Variants in ESRP1 observed in about 807,000 individuals in gnomAD.
The protein encoded by ESRP1 is epithelial splicing regulatory protein 1, also known as RNA-binding motif protein 35A.
A neutral mutation model predicts 81.7 loss-of-function variants in ESRP1; 33 were observed. The observed-to-expected ratio is 0.40, with a 90% confidence interval of 0.31 to 0.54. The LOEUF (loss-of-function observed/expected upper bound fraction) is 0.54. ESRP1 is among the 20% of genes least tolerant of loss of function. The pLI, the probability that ESRP1 is intolerant of heterozygous loss-of-function variation, is 0.41. For synonymous variants in ESRP1, 320 were observed against 303.3 expected (o/e 1.06, Z -0.57); for missense variants, 672 against 833.1 (o/e 0.81, Z 2.38).
rs753964744 is a variant in ESRP1, at chr8:94,664,940, C to G, written c.769C>G (p.Leu257Val). 6.2e-7 allele frequency: 1 copy of G among 1,612,884 alleles called. No homozygotes were observed. The highest frequency in any genetic ancestry group is 1.3e-5 in the African/African-American group (1 of 74,538). ...GLNIAKGGAA[L>V]CLNAQGRRNG... ...TTATTCTCAAAGGGGAGGTGCAGCA[C>G]TTTGTCTGAATGCTCAGGGTCGAAG... Residue 257 changes from leucine (L) to valine (V), a missense_variant, in exon 8 of 16, where the codon CTT becomes GTT. Transcript: ENST00000433389.
chr8:94,690,446 GATGAAAAATTCTTACTTTC>G (rs1304596254), intron 13 of ESRP1, among the ~76,000 whole-genome samples: 1 of 151,820 alleles, frequency 6.6e-6, no homozygotes, highest in East Asian at 1.9e-4. Flanking sequence ...AATTTAGGTT[GATGAAAAATTCTTACTTTC>G]ATGTCCTGTC....
Position 94,678,280 on chromosome 8 carries a change from G to A in ESRP1, c.1729G>A (p.Val577Met), listed in dbSNP as rs1434091556. The A allele has an allele frequency of 6.2e-7, 1 of 1,613,982 alleles. No individual in the cohort carries two copies. Among genetic ancestry groups the A allele is most frequent in the Non-Finnish European group, 8.5e-7 (1 of 1,179,894 alleles). Residue 577 changes from valine to methionine, a missense_variant, in exon 13 of 16, where the codon GTG becomes ATG. By Grantham distance (21) the Val-to-Met change is conservative. Coordinates refer to ENST00000433389, the MANE Select transcript of ESRP1 (RefSeq NM_017697.4). ...AGAAGCTGCCATTTACCAGCCCTCT[G>A]TGATTTTGAATCCACGAGCACTGCA... ...PTEAAIYQPS[V>M]ILNPRALQPS...
At chr8:94,704,902 AGGTTGTAT>A (rs1359742609) in intron 15 of ESRP1, among the ~76,000 whole-genome samples, 1 of 151,924 alleles carries the variant, frequency 6.6e-6, no homozygotes, top group African/African-American at 2.4e-5. Flanking sequence ...TCTTATTTTA[AGGTTGTAT>A]GGTATATAAG....
At chr8:94,666,495 G>A (rs1819023079) in intron 9 of ESRP1, among the ~76,000 whole-genome samples, 1 of 152,322 alleles carries the variant, frequency 6.6e-6, no homozygotes. Context: ...CTGAATCAAA[G>A]AATTTTGGAC....
intron 12 of ESRP1, among the ~76,000 whole-genome samples, chr8:94,676,722 T>C (rs1007148758): frequency 6.6e-6 from 1 of 151,654 alleles, no homozygotes; most frequent in Non-Finnish European, 1.5e-5. Flanking sequence ...ATGGTCTGGA[T>C]CTCCTGCCCT....
chr8:94,675,116 G>A (rs1045520830), intron 12 of ESRP1, among the ~76,000 whole-genome samples: 2 of 152,238 alleles, frequency 1.3e-5, no homozygotes, highest in African/African-American at 4.8e-5. Context: ...TCGCTCATTG[G>A]CACCTGGGTG....
chr8:94,662,449 A>G, intron 5 of ESRP1, 52 bp from the exon 6 acceptor site: 4 of 1,564,000 alleles, frequency 2.6e-6, no homozygotes, highest in Non-Finnish European at 2.6e-6. Flanking sequence ...TTCCTCCTAC[A>G]ACTTTGTCTC....
At chr8:94,681,827 C>T (rs576687349) in intron 13 of ESRP1, among the ~76,000 whole-genome samples, 13 of 151,278 alleles carry the variant, frequency 8.6e-5, no homozygotes, top group Middle Eastern at 3.4e-3. Context: ...CCAGCTACTC[C>T]GGAGGCCAAG....
At chr8:94,684,358 G>A (rs977565168) in intron 13 of ESRP1, among the ~76,000 whole-genome samples, 4 of 152,174 alleles carry the variant, frequency 2.6e-5, no homozygotes, top group African/African-American at 4.8e-5. Flanking sequence ...GAAATCCAGC[G>A]TCCAGAGGTA....
At chr8:94,680,435 C>T (rs916352581) in intron 13 of ESRP1, among the ~76,000 whole-genome samples, 10 of 151,244 alleles carry the variant, frequency 6.6e-5, no homozygotes, top group African/African-American at 2.4e-4. Flanking sequence ...ACATTAATTT[C>T]TTTTTTTTTG....
At chr8:94,643,504 C>A in intron 3 of ESRP1, 88 bp downstream of exon 3, 1 of 773,378 alleles carries the variant, frequency 1.3e-6, no homozygotes, top group East Asian at 2.6e-5. Context: ...TCAAGTTTCT[C>A]TGTTCTTAAA....
chr8:94,664,821 A>C lies in ESRP1; in HGVS notation c.755+14A>C. 6.2e-7 allele frequency: 1 copy of C among 1,613,016 alleles called. No homozygotes were observed. Among genetic ancestry groups the C allele is most frequent in the South Asian group, 1.1e-5 (1 of 90,934 alleles). ...CAATATTGCCAAGTTGGTTTTCTTA[A>C]ATATCTATTTTACTTAACAATCCCA... On this transcript the variant is annotated intron_variant, in intron 7 of 15. Coordinates refer to ENST00000433389, the MANE Select transcript of ESRP1 (RefSeq NM_017697.4).
intron 10 of ESRP1, among the ~76,000 whole-genome samples, chr8:94,670,688 G>C (rs1048226951): frequency 2.0e-5 from 3 of 152,220 alleles, no homozygotes; most frequent in Non-Finnish European, 4.4e-5. Flanking sequence ...TGTAATATGA[G>C]TGTTGCCTAA....
At position 94,641,220 on chromosome 8, in the gene ESRP1, T is replaced by G. The variant is rs1817565502; in HGVS notation, c.-99T>G. 1 of 1,214,598 alleles carries G rather than the reference T, an allele frequency of 8.2e-7. No individual in the cohort carries two copies. The highest frequency in any genetic ancestry group is 1.5e-5 in the African/African-American group (1 of 64,900). 75.2% of individuals were successfully genotyped at this position (1,214,598 alleles called of 1,614,324 possible). On this transcript the variant is annotated 5_prime_UTR_variant, in exon 1 of 16. Coordinates refer to ENST00000433389, the MANE Select transcript of ESRP1 (RefSeq NM_017697.4). ...GGAAGGGGGGTGGGCGCTCTTTCTTTTTCTCTTAGAAGAGGGTTTAGCACA... is the reference window on the plus strand; with the variant it reads ...GGAAGGGGGGTGGGCGCTCTTTCTTGTTCTCTTAGAAGAGGGTTTAGCACA...
rs566580132 is a variant in ESRP1, at chr8:94,688,942, A to G, written c.1821-3735A>G. ...TGCACCTGTAGATCAATTTGGTGGT[A>G]TGGCCATTTTAGCAATATTAATTCT... On this transcript the variant is annotated intron_variant, in intron 13 of 15. Transcript: ENST00000433389. Among the ~76,000 whole-genome samples the G allele has an allele frequency of 6.6e-5, 10 of 152,244 alleles. No individual in the cohort carries two copies. In the South Asian group the frequency reaches 2.1e-3, roughly 32 times the overall value.
intron 4 of ESRP1, among the ~76,000 whole-genome samples, chr8:94,659,060 T>C (rs574733024): frequency 1.3e-5 from 2 of 152,200 alleles, no homozygotes; most frequent in South Asian, 4.1e-4. Flanking sequence ...GCCAATTTGT[T>C]ATTTTGTAGA....
intron 15 of ESRP1, among the ~76,000 whole-genome samples, chr8:94,700,953 ATGTGTG>A (rs371493650): frequency 0.043 from 5,961 of 137,330 alleles, 165 homozygotes; most frequent in East Asian, 0.11. Context: ...GTGTGTGTGT[ATGTGTG>A]TGTGTGTGTG....
intron 4 of ESRP1, among the ~76,000 whole-genome samples, chr8:94,661,852 CAAAA>C (rs537445562): frequency 2.7e-5 from 4 of 149,678 alleles, no homozygotes; most frequent in Admixed American, 1.3e-4. Context: ...AACATTAGGC[CAAAA>C]AAAAAGTCAT....
intron 12 of ESRP1, among the ~76,000 whole-genome samples, chr8:94,674,907 G>T (rs1309682713): frequency 6.6e-6 from 1 of 152,176 alleles, no homozygotes; most frequent in African/African-American, 2.4e-5. Flanking sequence ...AAGAAGGGCA[G>T]TTTGATGCAC....
Sources: gnomAD v4.1 joint callset for allele counts (sites outside exome capture counted in the v4.1 genomes callset) on GRCh38, gnomAD v4.1.1 for gene constraint, MANE v1.5 for transcripts, NCBI Gene and HGNC (gene_info 2026-07-23, HGNC 2026-07-21) for gene names.